Variants in SHROOM4 observed in about 807,000 individuals in gnomAD.
SHROOM4 encodes shroom family member 4, also known as protein Shroom4.
Under a neutral mutation model 80.3 loss-of-function variants are expected in SHROOM4, and 17 were observed. The observed-to-expected ratio is 0.21, with a 90% confidence interval of 0.14 to 0.32. SHROOM4 has a LOEUF of 0.32. Ranked by LOEUF, SHROOM4 falls within the 10% of genes least tolerant of loss-of-function variation. The pLI is 1.00. For synonymous variants in SHROOM4, 400 were observed against 437.5 expected, an observed-to-expected ratio of 0.91 and a Z score of 1.07; for missense variants, 993 against 1,140.3, an observed-to-expected ratio of 0.87 and a Z score of 1.86.
At chrX:50,666,713 C>T (rs1238291296) in intron 2 of SHROOM4, among the ~76,000 whole-genome samples, 2 of 111,781 alleles carry the variant, frequency 1.8e-5, no homozygotes, top group African/African-American at 3.3e-5. Flanking sequence ...TTTGGAAGGG[C>T]CATGGGTACT....
At chrX:50,715,667 T>C (rs1377842056) in intron 1 of SHROOM4, among the ~76,000 whole-genome samples, 4 of 111,003 alleles carry the variant, frequency 3.6e-5, no homozygotes, top group African/African-American at 1.3e-4. Flanking sequence ...TTAGGATGGC[T>C]ACTATCAAAA....
intron 3 of SHROOM4, 83 bp downstream of exon 3, chrX:50,638,091 C>A: frequency 8.9e-7 from 1 of 1,120,030 alleles, no homozygotes; most frequent in Admixed American, 2.6e-5. Context: ...GCTCTAACAT[C>A]CAACAGGGAC....
chrX:50,795,786 G>T (rs781860530), intron 1 of SHROOM4, among the ~76,000 whole-genome samples: 4 of 111,651 alleles, frequency 3.6e-5, no homozygotes, highest in South Asian at 7.5e-4. Context: ...TGAGACTCTG[G>T]GTAAACCATT....
intron 5 of SHROOM4, among the ~76,000 whole-genome samples, chrX:50,617,589 A>G (rs1406202998): frequency 9.1e-6 from 1 of 109,580 alleles, no homozygotes; most frequent in African/African-American, 3.3e-5. Context: ...AAGGTGTCTT[A>G]AGTACTAACT....
chrX:50,609,681 G>GTA (rs1929866072), intron 5 of SHROOM4, among the ~76,000 whole-genome samples: 1 of 93,583 alleles, frequency 1.1e-5, no homozygotes, highest in Admixed American at 1.1e-4. Context: ...GTGTGTGTGT[G>GTA]TGTGTGTGTG....
intron 1 of SHROOM4, among the ~76,000 whole-genome samples, chrX:50,707,422 T>C (rs1933704610): frequency 1.8e-5 from 2 of 112,337 alleles, no homozygotes; most frequent in South Asian, 7.4e-4. Flanking sequence ...CACCATGATA[T>C]GGCTTTAAAA....
chrX:50,764,744 T>C (rs1935236134), intron 1 of SHROOM4, among the ~76,000 whole-genome samples: 2 of 112,276 alleles, frequency 1.8e-5, no homozygotes, highest in Admixed American at 1.9e-4. Context: ...CTGGAAGTCC[T>C]GCTCCTAAAC....
intron 1 of SHROOM4, among the ~76,000 whole-genome samples, chrX:50,795,576 G>C (rs1935995053): frequency 9.0e-6 from 1 of 111,453 alleles, no homozygotes; most frequent in Admixed American, 9.5e-5. Flanking sequence ...AATTTCTGAT[G>C]GGCTTCAAGG....
chrX:50,610,761 CAATAAATAAGACAAAG>C (rs2147238877), intron 5 of SHROOM4, among the ~76,000 whole-genome samples: 1 of 111,753 alleles, frequency 8.9e-6, no homozygotes, highest in East Asian at 2.8e-4. Flanking sequence ...AGGCAAAATG[CAATAAATAAGACAAAG>C]AAGGGCACTA....
At chrX:50,775,403 T>C (rs1324389476) in intron 1 of SHROOM4, among the ~76,000 whole-genome samples, 2 of 111,330 alleles carry the variant, frequency 1.8e-5, no homozygotes, top group East Asian at 2.8e-4. Context: ...TCAAAGATCA[T>C]ACTCAGGAGC....
At chrX:50,709,851 G>A (rs1933766444) in intron 1 of SHROOM4, among the ~76,000 whole-genome samples, 1 of 112,166 alleles carries the variant, frequency 8.9e-6, no homozygotes, top group Non-Finnish European at 1.9e-5. Context: ...TCTCCTGGGA[G>A]CTTGTTAGAA....
At chrX:50,792,688 A>T (rs1935877541) in intron 1 of SHROOM4, among the ~76,000 whole-genome samples, 1 of 109,633 alleles carries the variant, frequency 9.1e-6, no homozygotes, top group African/African-American at 3.3e-5. Flanking sequence ...TAAGACACAT[A>T]AACAGCCAAC....
intron 5 of SHROOM4, among the ~76,000 whole-genome samples, chrX:50,626,531 C>CTG (rs1930812072): frequency 8.9e-6 from 1 of 111,813 alleles, no homozygotes; most frequent in South Asian, 3.8e-4. Flanking sequence ...GGACCAGCTG[C>CTG]ATCAGCATCA....
At chrX:50,813,748 C>T (rs1161564402) in intron 1 of SHROOM4, among the ~76,000 whole-genome samples, 154 bp downstream of exon 1, 1 of 111,984 alleles carries the variant, frequency 8.9e-6, no homozygotes, top group East Asian at 2.9e-4. Flanking sequence ...TGCACCTGGA[C>T]TGGTGGCAAG....
At chrX:50,681,214 C>G (rs1367066748) in intron 2 of SHROOM4, among the ~76,000 whole-genome samples, 1 of 111,346 alleles carries the variant, frequency 9.0e-6, no homozygotes, top group Non-Finnish European at 1.9e-5. Context: ...CATACAGCAG[C>G]CACGGTGATC....
chrX:50,601,417 A>C (rs1288610734), intron 7 of SHROOM4, among the ~76,000 whole-genome samples: 4 of 112,079 alleles, frequency 3.6e-5, no homozygotes, highest in African/African-American at 1.3e-4. Flanking sequence ...TCTTCCCCTG[A>C]CATTTTGCTT....
intron 2 of SHROOM4, among the ~76,000 whole-genome samples, chrX:50,688,953 A>G (rs1455444049): frequency 9.0e-6 from 1 of 111,468 alleles, no homozygotes; most frequent in Non-Finnish European, 1.9e-5. Context: ...TAAATAACTG[A>G]TCAATTTTGG....
intron 2 of SHROOM4, among the ~76,000 whole-genome samples, chrX:50,644,197 C>T (rs1931733218): frequency 1.8e-5 from 2 of 112,399 alleles, no homozygotes; most frequent in South Asian, 3.7e-4. Flanking sequence ...CCCAATTTTA[C>T]ACCAGAGACT....
chrX:50,785,554 T>C (rs1336515997), intron 1 of SHROOM4, among the ~76,000 whole-genome samples: 3 of 111,814 alleles, frequency 2.7e-5, no homozygotes, highest in Admixed American at 1.9e-4. Context: ...ATAATTATGC[T>C]GAGTAAAAGA....
Sources: gnomAD v4.1 joint callset for allele counts (sites outside exome capture counted in the v4.1 genomes callset) on GRCh38, gnomAD v4.1.1 for gene constraint, MANE v1.5 for transcripts, NCBI Gene and HGNC (gene_info 2026-07-23, HGNC 2026-07-21) for gene names.